The following CSRNP2 variants were observed in gnomAD, a reference collection of about 807,000 sequenced individuals.
The protein encoded by CSRNP2 is cysteine and serine rich nuclear protein 2, also known as cysteine/serine-rich nuclear protein 2.
In CSRNP2, 11 loss-of-function variants were observed where a neutral mutation model predicts 36.6. The ratio of observed to expected loss-of-function variants is 0.30; its 90% CI spans 0.19 to 0.50. The LOEUF (loss-of-function observed/expected upper bound fraction) is 0.50. Among genes scored for constraint, CSRNP2 ranks in the 20% least tolerant of loss-of-function variants. The pLI, the probability that CSRNP2 is intolerant of heterozygous loss-of-function variation, is 0.98. For missense variants in CSRNP2, 483 were observed against 691.4 expected (o/e 0.70, Z 3.38); for synonymous variants, 248 against 275.3 (o/e 0.90, Z 0.98).
intron 3 of CSRNP2, among the ~76,000 whole-genome samples, chr12:51,072,562 C>CAAAAAAAAAAAAAAAAAA (rs71089741): frequency 1.5e-5 from 1 of 66,924 alleles, no homozygotes; most frequent in Non-Finnish European, 2.6e-5. Context: ...GGCTCCGTCT[C>CAAAAAAAAAAAAAAAAAA]AAAAAAAAAA....
Position 51,073,946 on chromosome 12 carries a change from G to C in CSRNP2, c.288C>G (p.Ala96=). Residue 96 remains alanine (A), a synonymous_variant, in exon 3 of 5, where the codon GCC becomes GCG. Coordinates refer to ENST00000228515, the MANE Select transcript of CSRNP2 (RefSeq NM_030809.3). The part of the protein sequence containing the change: ...PSQGGSSLGM[A]QRHNSVRSYT... ...AGCTCCGTACAGAGTTATGGCGCTG[G>C]GCCATGCCCAGAGAGCTACCACCCT... 6.2e-7 allele frequency: 1 copy of C among 1,613,982 alleles called. No homozygotes were observed. Among genetic ancestry groups the C allele is most frequent in the Non-Finnish European group, 8.5e-7 (1 of 1,180,004 alleles).
intron 1 of CSRNP2, among the ~76,000 whole-genome samples, chr12:51,082,225 GA>G (rs1229711550): frequency 9.2e-5 from 14 of 152,166 alleles, no homozygotes; most frequent in Non-Finnish European, 2.1e-4. Context: ...CCAGGATCAT[GA>G]ACTTACAAAG....
rs937440382 is a variant in CSRNP2, at chr12:51,061,760, C to G, written c.*1986G>C. On this transcript the variant is annotated 3_prime_UTR_variant, in exon 5 of 5. Transcript: ENST00000228515. ...AGCTAATGTGTTCCTCATCGTGCAG[C>G]TGGAATCTACTTCCTAGATTAAGCC... The G allele has an allele frequency of 2.6e-5, 4 of 152,210 alleles. No individual in the cohort carries two copies. The highest frequency in any genetic ancestry group is 9.6e-5 in the African/African-American group (4 of 41,460). 9.4% of individuals were successfully genotyped at this position (152,210 alleles called of 1,614,324 possible).
chr12:51,073,619 G>A (rs185668799), intron 3 of CSRNP2, among the ~76,000 whole-genome samples: 1 of 151,618 alleles, frequency 6.6e-6, no homozygotes, highest in East Asian at 1.9e-4. Flanking sequence ...AACTACTCGG[G>A]AGGCTGAGGC....
At chr12:51,080,940 A>G (rs1939613412) in intron 1 of CSRNP2, among the ~76,000 whole-genome samples, 1 of 152,182 alleles carries the variant, frequency 6.6e-6, no homozygotes, top group Non-Finnish European at 1.5e-5. Context: ...GAATTGCTTG[A>G]GGCCAGGAGT....
chr12:51,064,998 C>T (rs1937991438), intron 4 of CSRNP2, among the ~76,000 whole-genome samples: 1 of 152,176 alleles, frequency 6.6e-6, no homozygotes, highest in Non-Finnish European at 1.5e-5. Context: ...TCCAGAGATA[C>T]TTCTCTGAAT....
chr12:51,063,498 G>C lies in CSRNP2; in HGVS notation c.*248C>G. 1 of 289,102 alleles carries C rather than the reference G, an allele frequency of 3.5e-6. No individual in the cohort carries two copies. Among genetic ancestry groups the C allele is most frequent in the Non-Finnish European group, 6.4e-6 (1 of 155,426 alleles). 17.9% of individuals were successfully genotyped at this position (289,102 alleles called of 1,614,324 possible). On this transcript the variant is annotated 3_prime_UTR_variant, in exon 5 of 5. Transcript: ENST00000228515. ...GTTCTTTGTTCCAGTGGCCCAGAAAGCTTAATGTTCAGCACTACGCAGCTT... is the reference window on the plus strand; with the variant it reads ...GTTCTTTGTTCCAGTGGCCCAGAAACCTTAATGTTCAGCACTACGCAGCTT...
At position 51,062,663 on chromosome 12, in the gene CSRNP2, G is replaced by C. The variant is rs929477082; in HGVS notation, c.*1083C>G. 1 of 152,248 alleles carries C rather than the reference G, an allele frequency of 6.6e-6. No individual in the cohort carries two copies. The highest frequency in any genetic ancestry group is 1.9e-4 in the East Asian group (1 of 5,190). 9.4% of individuals were successfully genotyped at this position (152,248 alleles called of 1,614,324 possible). A position where few individuals can be genotyped will look rare whatever the true frequency, so the allele number is the denominator to read the frequency against. Reference sequence around the variant, plus strand: ...ATTTGCAATTCTTGGAATTGAACTGGAACAGTATAAGAACTCTAACCCGCT... The same window carrying C: ...ATTTGCAATTCTTGGAATTGAACTGCAACAGTATAAGAACTCTAACCCGCT... On this transcript the variant is annotated 3_prime_UTR_variant, in exon 5 of 5. Transcript: ENST00000228515.
intron 2 of CSRNP2, among the ~76,000 whole-genome samples, chr12:51,075,726 C>T (rs1190281654): frequency 6.6e-6 from 1 of 152,186 alleles, no homozygotes; most frequent in South Asian, 2.1e-4. Context: ...AGTATCAGTT[C>T]TTTCCAAGAA....
rs1592767743 is a variant in CSRNP2, at chr12:51,076,429, T to G, written c.133A>C (p.Thr45Pro). 6.2e-7 allele frequency: 1 copy of G among 1,613,996 alleles called. No individual in the cohort carries two copies. The highest frequency in any genetic ancestry group is 8.5e-7 in the Non-Finnish European group (1 of 1,179,996). Residue 45 changes from threonine to proline, a missense_variant, in exon 2 of 5, where the codon ACC (threonine) becomes CCC (proline). This residue lies in a region of CSRNP2 where 206 missense variants were observed against 367.8 expected (regional missense o/e 0.56). Coordinates refer to ENST00000228515, the MANE Select transcript of CSRNP2 (RefSeq NM_030809.3). ...TACTCACGTGTGAAGCTGGCAGTGG[T>G]AGGAGGATTGAGGCTGTCGCAGCTG... is the stretch of plus-strand genomic sequence containing the variant. ...ADSCDSLNPP[T>P]TASFTPTSIL... is the part of the protein sequence containing the mutation.
At chr12:51,065,656 C>T (rs1169142397) in intron 4 of CSRNP2, among the ~76,000 whole-genome samples, 4 of 151,918 alleles carry the variant, frequency 2.6e-5, no homozygotes, top group Admixed American at 1.3e-4. Context: ...GATGGGGTCT[C>T]GCTATGTTGC....
chr12:51,063,717 TG>T lies in CSRNP2; in HGVS notation c.*28del. On this transcript the variant is annotated 3_prime_UTR_variant, in exon 5 of 5. Transcript: ENST00000228515. ...ATAAAATAAGGGAATAAATAGAGAA[TG>T]GGTAAGAGGCAGGACCTCTAGCGCC... 1 of 1,472,404 alleles carries T rather than the reference TG, an allele frequency of 6.8e-7. No individual in the cohort carries two copies. Among genetic ancestry groups the T allele is most frequent in the Non-Finnish European group, 9.1e-7 (1 of 1,102,098 alleles). 91.2% of individuals were successfully genotyped at this position (1,472,404 alleles called of 1,614,324 possible).
chr12:51,081,058 C>T lies in CSRNP2; in HGVS notation c.-87+2281G>A, dbSNP rs559607599. On this transcript the variant is annotated intron_variant, in intron 1 of 4. Coordinates refer to ENST00000228515, the MANE Select transcript of CSRNP2 (RefSeq NM_030809.3). ...ATCCTAGCACTTTGGGAGGCCAAGG[C>T]GGGCAGATCACTTGAGGCCAGGAGT... is the stretch of plus-strand genomic sequence containing the variant. 9.2e-5 allele frequency among the ~76,000 whole-genome samples: 14 copies of T among 152,228 alleles called. No individual in the cohort carries two copies. The South Asian group carries it at 2.7e-3, about 29-fold the overall frequency.
Position 51,063,836 on chromosome 12 carries a change from A to C in CSRNP2, c.1542T>G (p.Asn514Lys), listed in dbSNP as rs373953570. 38 of 1,613,804 alleles carry C rather than the reference A, an allele frequency of 2.4e-5. No homozygotes were observed. The African/African-American group carries it at 4.9e-4, about 21-fold the overall frequency. The change falls in exon 5 of 5, where the codon AAT becomes AAG. Residue 514 changes from asparagine to lysine, a missense_variant. By Grantham distance (94) the Asn-to-Lys change is moderately conservative. Transcript: ENST00000228515. ...SPSSLPFRTDNEEGCGMVKTS... is the reference protein window; with the variant it reads ...SPSSLPFRTDKEEGCGMVKTS... ...TCTTCACCATCCCACAGCCCTCTTC[A>C]TTGTCCGTGCGGAAGGGGAGGCTTG...
intron 4 of CSRNP2, among the ~76,000 whole-genome samples, chr12:51,066,327 C>T (rs149111315): frequency 0.022 from 3,282 of 151,980 alleles, 44 homozygotes; most frequent in Non-Finnish European, 0.033. Context: ...GTGGTGTGTG[C>T]CTATAGTCCC....
intron 1 of CSRNP2, 163 bp from the exon 2 acceptor site, chr12:51,076,810 C>A: frequency 2.2e-6 from 1 of 458,904 alleles, no homozygotes; most frequent in Non-Finnish European, 4.0e-6. Context: ...CTCCTACTTT[C>A]GTTTCCCTTC....
intron 4 of CSRNP2, among the ~76,000 whole-genome samples, chr12:51,066,844 T>G (rs571418803): frequency 6.6e-6 from 1 of 152,304 alleles, no homozygotes; most frequent in South Asian, 2.1e-4. Context: ...GCTAACTTTT[T>G]GAGACAGGGT....
intron 3 of CSRNP2, among the ~76,000 whole-genome samples, chr12:51,071,096 T>C (rs933644967): frequency 2.6e-5 from 4 of 151,986 alleles, no homozygotes; most frequent in African/African-American, 7.2e-5. Context: ...ACTTCGTCTC[T>C]ACTAAAAATA....
chr12:51,063,799 T>C lies in CSRNP2; in HGVS notation c.1579A>G (p.Asn527Asp), dbSNP rs982609791. Reference protein sequence around the residue: ...GCGMVKTSQQNEDRPPEDSSL... With the variant: ...GCGMVKTSQQDEDRPPEDSSL... ...GAATCTTCAGGGGGCCGATCCTCAT[T>C]CTGCTGGGAGGTCTTCACCATCCCA... is the stretch of plus-strand genomic sequence containing the variant. The change falls in exon 5 of 5, where the codon AAT becomes GAT. Residue 527 changes from asparagine to aspartate, a missense_variant. Asn to Asp is a conservative substitution (Grantham distance 23, BLOSUM62 1). Coordinates refer to ENST00000228515, the MANE Select transcript of CSRNP2 (RefSeq NM_030809.3). 18 of 1,600,388 alleles carry C rather than the reference T, an allele frequency of 1.1e-5. No homozygotes were observed. The highest frequency in any genetic ancestry group is 1.4e-5 in the Non-Finnish European group (17 of 1,173,158).
Sources: allele counts gnomAD v4.1 joint callset (sites outside exome capture counted in the v4.1 genomes callset), GRCh38; gene constraint gnomAD v4.1.1; regional missense constraint gnomAD v4.1.1; transcripts MANE v1.5; gene names NCBI Gene and HGNC (gene_info 2026-07-23, HGNC 2026-07-21).